ROBO2: variants seen among roughly 807,000 people sequenced by gnomAD.
The protein encoded by ROBO2 is roundabout guidance receptor 2.
A neutral mutation model predicts 160.8 loss-of-function variants in ROBO2; 53 were observed. The ratio of observed to expected loss-of-function variants is 0.33; its 90% CI spans 0.26 to 0.41. ROBO2 has a LOEUF of 0.41. ROBO2 is among the 10% of genes least tolerant of loss of function. The pLI is 1.00. For missense variants in ROBO2, 1,577 were observed against 1,722.4 expected, an observed-to-expected ratio of 0.92 and a Z score of 1.49; for synonymous variants, 664 against 611.7, an observed-to-expected ratio of 1.09 and a Z score of -1.26.
At chr3:77,641,975 AG>A (rs945844582) in intron 24 of ROBO2, among the ~76,000 whole-genome samples, 28 of 152,268 alleles carry the variant, frequency 1.8e-4, no homozygotes, top group African/African-American at 6.3e-4. Context: ...TGTCTTCTCT[AG>A]CACCATAAAA....
Position 76,328,482 on chromosome 3 carries a change from G to A in ROBO2, c.109+390880G>A, listed in dbSNP as rs149562593. ...TGCATTTTTATAAAATATGTTATTA[G>A]TTTGGAGGCCGAGGCGGGCAGATGA... is the stretch of plus-strand genomic sequence containing the variant. On this transcript the variant is annotated intron_variant, in intron 2 of 26. Coordinates refer to the ROBO2 transcript ENST00000487694. Among the ~76,000 whole-genome samples the A allele has an allele frequency of 6.6e-4, 100 of 152,214 alleles. No homozygotes were observed. In the East Asian group the frequency reaches 0.013, roughly 19 times the overall value.
chr3:77,378,700 A>C (rs1433753281), intron 2 of ROBO2, among the ~76,000 whole-genome samples: 1 of 152,096 alleles, frequency 6.6e-6, no homozygotes, highest in Non-Finnish European at 1.5e-5. Flanking sequence ...AGGCTATGTG[A>C]TTTTGAAGTG....
rs80260555 is a variant in ROBO2, at chr3:76,085,170, A to G, written c.109+147568A>G. ...GTATATACATATATGATATATATGC[A>G]TGGAAAATTGAGTATATGTATATAG... is the stretch of plus-strand genomic sequence containing the variant. On this transcript the variant is annotated intron_variant, in intron 2 of 26. Coordinates refer to the ROBO2 transcript ENST00000487694. 5.5e-3 allele frequency among the ~76,000 whole-genome samples: 833 copies of G among 150,466 alleles called. 8 individuals carry two copies. The highest frequency in any genetic ancestry group is 0.02 in the African/African-American group (801 of 39,928).
intron 2 of ROBO2, among the ~76,000 whole-genome samples, chr3:77,235,699 A>G (rs941120097): frequency 7.9e-5 from 12 of 152,254 alleles, no homozygotes; most frequent in Admixed American, 2.6e-4. Context: ...AAAAGCATCC[A>G]TTGGAAAAAT....
chr3:77,260,174 G>C (rs2058685487), intron 2 of ROBO2, among the ~76,000 whole-genome samples: 1 of 152,020 alleles, frequency 6.6e-6, no homozygotes, highest in African/African-American at 2.4e-5. Flanking sequence ...CACAGCGGTG[G>C]GTCCATGTTA....
chr3:76,931,319 AT>A (rs541725536), intron 2 of ROBO2, among the ~76,000 whole-genome samples: 155 of 152,316 alleles, frequency 1.0e-3, no homozygotes, highest in African/African-American at 3.6e-3. Flanking sequence ...ATATTTAGAA[AT>A]ATATGCCACA....
rs59592741 is a variant in ROBO2 at position 76,994,394 on chromosome 3, T to C, written c.110-103620T>C. 7.5e-3 allele frequency among the ~76,000 whole-genome samples: 1,136 copies of C among 151,632 alleles called. 18 individuals are homozygous for C. Among genetic ancestry groups the C allele is most frequent in the African/African-American group, 0.025 (1,038 of 41,306 alleles). ...CACATACAAACTTTAAACTTTTTAC[T>C]GCATTGGGAAAGTTGGAAACTGCTT... is the stretch of plus-strand genomic sequence containing the variant. On this transcript the variant is annotated intron_variant, in intron 2 of 26. Coordinates refer to the ROBO2 transcript ENST00000487694.
chr3:77,145,695 A>G (rs915217331), intron 2 of ROBO2, among the ~76,000 whole-genome samples: 2 of 152,188 alleles, frequency 1.3e-5, no homozygotes, highest in African/African-American at 2.4e-5. Context: ...CGATGGAAAG[A>G]CTTGAAATAA....
At chr3:76,521,303 C>A (rs1159129065) in intron 2 of ROBO2, among the ~76,000 whole-genome samples, 4 of 152,118 alleles carry the variant, frequency 2.6e-5, no homozygotes, top group African/African-American at 9.7e-5. Context: ...CCCGCCTTGG[C>A]CTCCCAAAGT....
intron 2 of ROBO2, among the ~76,000 whole-genome samples, chr3:76,205,967 C>T (rs1702783082): frequency 6.6e-6 from 1 of 152,166 alleles, no homozygotes; most frequent in Non-Finnish European, 1.5e-5. Context: ...TCCACTTCCC[C>T]TTGACTCACC....
chr3:76,946,828 G>A (rs1415523963), intron 2 of ROBO2, among the ~76,000 whole-genome samples: 1 of 152,192 alleles, frequency 6.6e-6, no homozygotes, highest in African/African-American at 2.4e-5. Context: ...GTTGCACCTG[G>A]ATTACCCTGG....
rs73844513 is a variant in ROBO2 at position 76,350,969 on chromosome 3, A to T, written c.109+413367A>T. The stretch of plus-strand genomic sequence containing the variant: ...TCTTGGAAAAATGAGTGAAATTGGT[A>T]TATATTTTAATTTCAGTATTTTATT... On this transcript the variant is annotated intron_variant, in intron 2 of 26. Coordinates refer to the ROBO2 transcript ENST00000487694. 3.1e-3 allele frequency among the ~76,000 whole-genome samples: 465 copies of T among 152,092 alleles called. 1 individual carries two copies. Among genetic ancestry groups the T allele is most frequent in the African/African-American group, 0.011 (443 of 41,548 alleles).
At position 76,444,968 on chromosome 3, in the gene ROBO2, G is replaced by GT. The variant is rs201155655; in HGVS notation, c.109+507372dup. On this transcript the variant is annotated intron_variant, in intron 2 of 26. Transcript: ENST00000487694. ...ACTCCATTGTTAGATAGGCTTTTTT[G>GT]TTTTTTCCCTGAGGTTTTTTGGAAA... Among the ~76,000 whole-genome samples the GT allele has an allele frequency of 7.0e-3, 1,063 of 151,940 alleles. 14 individuals carry two copies. The highest frequency in any genetic ancestry group is 0.024 in the African/African-American group (1,007 of 41,466).
At chr3:76,415,993 A>G (rs2075742858) in intron 2 of ROBO2, among the ~76,000 whole-genome samples, 2 of 152,268 alleles carry the variant, frequency 1.3e-5, no homozygotes, top group East Asian at 3.9e-4. Flanking sequence ...TGCAAAGTGT[A>G]GGAAACCCAC....
In ROBO2 at chr3:76,031,921, A is replaced by C. The variant is rs769200441; in HGVS notation, c.109+94319A>C. Among the ~76,000 whole-genome samples the C allele has an allele frequency of 8.5e-5, 13 of 152,152 alleles. No individual in the cohort carries two copies. The South Asian group carries it at 2.7e-3, about 32-fold the overall frequency. On this transcript the variant is annotated intron_variant, in intron 2 of 26. Transcript: ENST00000487694. The stretch of plus-strand genomic sequence containing the variant: ...GATTCCTTCTTTTCCTATTGATTGG[A>C]ATAGTTTCAGAAGGAATGGTACCAG...
intron 2 of ROBO2, among the ~76,000 whole-genome samples, chr3:77,117,391 G>T (rs75085190): frequency 0.012 from 1,867 of 152,144 alleles, 26 homozygotes; most frequent in African/African-American, 0.042. Context: ...TTATAAACAA[G>T]ATGTGAAATA....
chr3:76,948,444 T>C (rs2078705221), intron 2 of ROBO2, among the ~76,000 whole-genome samples: 1 of 151,920 alleles, frequency 6.6e-6, no homozygotes, highest in Non-Finnish European at 1.5e-5. Context: ...TAACCATTCG[T>C]ATTTTAATAT....
intron 2 of ROBO2, among the ~76,000 whole-genome samples, chr3:76,325,337 A>C (rs1441510459): frequency 1.3e-5 from 2 of 152,234 alleles, no homozygotes; most frequent in African/African-American, 4.8e-5. Flanking sequence ...GATTAAACTA[A>C]GTTTACTATA....
intron 2 of ROBO2, among the ~76,000 whole-genome samples, chr3:76,683,573 G>T (rs2092618708): frequency 6.6e-6 from 1 of 150,970 alleles, no homozygotes. Flanking sequence ...TTCTCCAGTT[G>T]ATTACAAATG....
Sources: allele counts gnomAD v4.1 joint callset (sites outside exome capture counted in the v4.1 genomes callset), GRCh38; gene constraint gnomAD v4.1.1; transcripts MANE v1.5; gene names NCBI Gene and HGNC (gene_info 2026-07-23, HGNC 2026-07-21).